The following LMO7 variants were observed in gnomAD, a reference collection of about 807,000 sequenced individuals.
LMO7 encodes the protein LIM domain 7.
In LMO7, 120 loss-of-function variants were observed where a neutral mutation model predicts 206.5. That is an observed-to-expected ratio of 0.58 (90% CI 0.50 to 0.68). The LOEUF (loss-of-function observed/expected upper bound fraction) is 0.68. LMO7 is among the 30% of genes least tolerant of loss of function. The probability of loss-of-function intolerance (pLI) is 0.00; values close to 1 mark genes in which losing one functional copy is unlikely to be tolerated. For missense variants in LMO7, 1,959 were observed against 1,957.9 expected (o/e 1.00, Z -0.01); for synonymous variants, 706 against 681.5 (o/e 1.04, Z -0.56).
chr13:75,844,203 AT>A (rs2059785283), intron 25 of LMO7, among the ~76,000 whole-genome samples: 12 of 152,254 alleles, frequency 7.9e-5, no homozygotes, highest in South Asian at 2.1e-4. Context: ...GTGGCTAGAC[AT>A]CTGGTAATAA....
At chr13:75,686,738 T>G (rs1347131597) in intron 1 of LMO7, among the ~76,000 whole-genome samples, 4 of 152,134 alleles carry the variant, frequency 2.6e-5, no homozygotes, top group South Asian at 2.1e-4. Context: ...TTAGTCATTG[T>G]CAGTCAGGGC....
chr13:75,687,162 TTG>T, intron 1 of LMO7, among the ~76,000 whole-genome samples: 1 of 152,334 alleles, frequency 6.6e-6, no homozygotes, highest in South Asian at 2.1e-4. Context: ...GATTTATTTT[TTG>T]TGACTGTTTC....
intron 3 of LMO7, among the ~76,000 whole-genome samples, chr13:75,751,753 T>A (rs2047287262): frequency 6.6e-6 from 1 of 152,214 alleles, no homozygotes; most frequent in Non-Finnish European, 1.5e-5. Context: ...TTTTCACTTT[T>A]GCTTATAATG....
chr13:75,709,396 T>A (rs1229665595), intron 1 of LMO7, among the ~76,000 whole-genome samples: 2 of 152,120 alleles, frequency 1.3e-5, no homozygotes, highest in Admixed American at 1.3e-4. Flanking sequence ...ATGGTTGAAC[T>A]AGTTTACAGT....
chr13:75,777,750 A>G (rs769341539), intron 4 of LMO7, among the ~76,000 whole-genome samples: 3 of 144,948 alleles, frequency 2.1e-5, no homozygotes, highest in Non-Finnish European at 3.0e-5. Flanking sequence ...GGTTCATGCC[A>G]TTTCCCTGCC....
chr13:75,800,618 A>T, intron 6 of LMO7, 66 bp from the exon 7 acceptor site: 1 of 1,442,960 alleles, frequency 6.9e-7, no homozygotes, highest in Non-Finnish European at 9.7e-7. Context: ...AGCAAGTAAT[A>T]ACCGATTGAT....
At chr13:75,660,667 A>T (rs374008505) in intron 1 of LMO7, among the ~76,000 whole-genome samples, 1 of 152,160 alleles carries the variant, frequency 6.6e-6, no homozygotes, top group Non-Finnish European at 1.5e-5. Context: ...TCTTCTGCTT[A>T]CCAGAGGCTT....
Position 75,807,722 on chromosome 13 carries a change from C to G in LMO7, c.1439C>G (p.Ala480Gly). Residue 480 changes from alanine (A) to glycine (G), a missense_variant, in exon 10 of 31, where the codon GCT becomes GGT. Physicochemically the swap from Ala to Gly is moderately conservative, Grantham distance 60. Coordinates refer to ENST00000377534, the MANE Select transcript of LMO7 (RefSeq NM_001306080.2). Reference sequence around the variant, plus strand: ...CATGCAAATCCATATGTTCTCCGAGCTTTTGAAGACTTTAGAAAGTTCTCT... The same window carrying G: ...CATGCAAATCCATATGTTCTCCGAGGTTTTGAAGACTTTAGAAAGTTCTCT... ...AFHANPYVLR[A>G]FEDFRKFSEQ... The G allele has an allele frequency of 6.2e-7, 1 of 1,613,968 alleles. No homozygotes were observed. Among genetic ancestry groups the G allele is most frequent in the Non-Finnish European group, 8.5e-7 (1 of 1,179,892 alleles).
chr13:75,636,248 C>G (rs1415858958), upstream of LMO7: 6 of 832,230 alleles, frequency 7.2e-6, no homozygotes, highest in Non-Finnish European at 8.3e-6. Context: ...GGCGACTCGG[C>G]GGGCCCCGGG....
rs180763315 is a variant in LMO7 at position 75,668,081 on chromosome 13, G to A, written c.69+31355G>A. Among the ~76,000 whole-genome samples the A allele has an allele frequency of 2.3e-3, 350 of 152,208 alleles. 2 individuals carry two copies. Among genetic ancestry groups the A allele is most frequent in the Admixed American group, 9.8e-3 (150 of 15,286 alleles). On this transcript the variant is annotated intron_variant, in intron 1 of 30. Coordinates refer to ENST00000377534, the MANE Select transcript of LMO7 (RefSeq NM_001306080.2). ...AAATGAGCTGGGCGTGGTGGTGCAC[G>A]CCTGTAATTCTAGCTACTTGGGAGG...
intron 6 of LMO7, among the ~76,000 whole-genome samples, chr13:75,800,421 T>C (rs1000423784): frequency 6.6e-6 from 1 of 152,244 alleles, no homozygotes; most frequent in African/African-American, 2.4e-5. Context: ...ACATATGTAC[T>C]AGTTTATTAA....
chr13:75,642,442 CA>C (rs5804829), intron 1 of LMO7, among the ~76,000 whole-genome samples: 11,366 of 72,296 alleles, frequency 0.16, 514 homozygotes, highest in East Asian at 0.32. Flanking sequence ...CCATCTCTAC[CA>C]AAAAAAAAAA....
rs747174134 is a variant in LMO7, at chr13:75,807,756, T to C, written c.1473T>C (p.Asp491=). 24 of 1,614,006 alleles carry C rather than the reference T, an allele frequency of 1.5e-5. No homozygotes were observed. The South Asian group carries it at 2.6e-4, about 18-fold the overall frequency. ...FEDFRKFSEQ[D]DSVERDIILQ... is the part of the protein sequence containing the mutation. ...ACTTTAGAAAGTTCTCTGAGCAAGA[T>C]GATTCTGTAGAGCGAGATATAATTT... is the stretch of plus-strand genomic sequence containing the variant. The change falls in exon 10 of 31, where the codon GAT becomes GAC. Residue 491 remains aspartate, a synonymous_variant. Coordinates refer to ENST00000377534, the MANE Select transcript of LMO7 (RefSeq NM_001306080.2).
At chr13:75,624,171 G>A (rs2033718983) in intron 2 of LMO7, among the ~76,000 whole-genome samples, 1 of 152,120 alleles carries the variant, frequency 6.6e-6, no homozygotes, top group Admixed American at 6.6e-5. Context: ...TTGGGTGTTG[G>A]CATACCCTCT....
chr13:75,700,722 T>C (rs759921771), intron 1 of LMO7, among the ~76,000 whole-genome samples: 1 of 152,218 alleles, frequency 6.6e-6, no homozygotes, highest in African/African-American at 2.4e-5. Context: ...GCTAAGAGAC[T>C]CATGGGCAGG....
At chr13:75,635,418 C>T (rs1402921040), upstream of LMO7, among the ~76,000 whole-genome samples, 1 of 152,144 alleles carries the variant, frequency 6.6e-6, no homozygotes, top group Non-Finnish European at 1.5e-5. Flanking sequence ...GCAAGCCGAC[C>T]CGTGTGCCTC....
intron 2 of LMO7, among the ~76,000 whole-genome samples, chr13:75,720,328 T>A (rs2043912788): frequency 1.3e-5 from 2 of 152,246 alleles, no homozygotes; most frequent in Admixed American, 6.5e-5. Flanking sequence ...CAGATATTTT[T>A]AATTTTAATG....
chr13:75,685,865 G>GT (rs748008996), intron 1 of LMO7, among the ~76,000 whole-genome samples: 44 of 148,626 alleles, frequency 3.0e-4, no homozygotes, highest in Non-Finnish European at 3.3e-4. Flanking sequence ...CAAACCAAGG[G>GT]TTTTTCATCC....
At chr13:75,715,112 T>C (rs1307440894) in intron 2 of LMO7, among the ~76,000 whole-genome samples, 2 of 152,218 alleles carry the variant, frequency 1.3e-5, no homozygotes, top group East Asian at 1.9e-4. Flanking sequence ...TTTTGGGGCA[T>C]TGACCCCATA....
Sources: allele counts gnomAD v4.1 joint callset (sites outside exome capture counted in the v4.1 genomes callset), GRCh38; gene constraint gnomAD v4.1.1; transcripts MANE v1.5; gene names NCBI Gene and HGNC (gene_info 2026-07-23, HGNC 2026-07-21).